The following EPS15L1 variants were observed in gnomAD, a reference collection of about 807,000 sequenced individuals.
EPS15L1 encodes the protein epidermal growth factor receptor substrate 15-like 1.
A neutral mutation model predicts 117.1 loss-of-function variants in EPS15L1; 43 were observed. The ratio of observed to expected loss-of-function variants is 0.37; its 90% CI spans 0.29 to 0.47. The LOEUF (loss-of-function observed/expected upper bound fraction) is 0.47, where lower values mean the gene tolerates loss of function less well. Among genes scored for constraint, EPS15L1 ranks in the 20% least tolerant of loss-of-function variants. The probability of loss-of-function intolerance (pLI) is 0.99; values close to 1 mark genes in which losing one functional copy is unlikely to be tolerated. For missense variants in EPS15L1, 981 were observed against 1,164.0 expected (o/e 0.84, Z 2.29); for synonymous variants, 459 against 470.5 (o/e 0.98, Z 0.32).
chr19:16,452,699 G>T (rs1199338609), intron 1 of EPS15L1, among the ~76,000 whole-genome samples: 2 of 151,972 alleles, frequency 1.3e-5, no homozygotes, highest in Non-Finnish European at 2.9e-5. Flanking sequence ...TCAAAGGGTG[G>T]TACAAAGAAA....
intron 7 of EPS15L1, among the ~76,000 whole-genome samples, chr19:16,429,557 C>T (rs1405747752): frequency 6.6e-6 from 1 of 152,210 alleles, no homozygotes; most frequent in East Asian, 1.9e-4. Flanking sequence ...GCGCCCGAGG[C>T]TCAGGCCTCA....
At chr19:16,438,587 T>C (rs926798184) in intron 4 of EPS15L1, among the ~76,000 whole-genome samples, 1 of 152,188 alleles carries the variant, frequency 6.6e-6, no homozygotes, top group Non-Finnish European at 1.5e-5. Context: ...CAGAGTGCAG[T>C]GGCGCAATCA....
intron 1 of EPS15L1, among the ~76,000 whole-genome samples, chr19:16,452,482 T>C (rs1230195366): frequency 2.0e-5 from 3 of 148,876 alleles, no homozygotes; most frequent in Non-Finnish European, 4.4e-5. Flanking sequence ...GAGCCAGGTG[T>C]AGTGGCACTC....
chr19:16,357,966 A>T (rs2092004877), intron 23 of EPS15L1: 1 of 152,424 alleles, frequency 6.6e-6, no homozygotes, highest in African/African-American at 2.4e-5. Context: ...TGCTGACAAC[A>T]GTGGGAGGGA....
At chr19:16,434,662 T>A in intron 6 of EPS15L1, 172 bp from the exon 7 acceptor site, 1 of 662,538 alleles carries the variant, frequency 1.5e-6, no homozygotes, top group Non-Finnish European at 2.5e-6. Context: ...AAAGTGAACA[T>A]ATACCCTGAA....
chr19:16,445,482 C>A (rs1437247784), intron 1 of EPS15L1, among the ~76,000 whole-genome samples: 1 of 152,228 alleles, frequency 6.6e-6, no homozygotes, highest in African/African-American at 2.4e-5. Context: ...GAAGGTACAG[C>A]ACCAGGCCCC....
intron 22 of EPS15L1, among the ~76,000 whole-genome samples, chr19:16,375,094 T>A (rs2092277362): frequency 6.6e-6 from 1 of 152,228 alleles, no homozygotes; most frequent in Non-Finnish European, 1.5e-5. Context: ...TATGCATGCA[T>A]GTGTGTACTG....
At chr19:16,369,032 A>G (rs886982429) in intron 22 of EPS15L1, among the ~76,000 whole-genome samples, 6 of 152,360 alleles carry the variant, frequency 3.9e-5, no homozygotes, top group Middle Eastern at 6.8e-3. Context: ...AGAAAACAGT[A>G]TAGGTTCTAA....
intron 7 of EPS15L1, among the ~76,000 whole-genome samples, chr19:16,432,513 A>G (rs560991018): frequency 6.6e-6 from 1 of 152,206 alleles, no homozygotes; most frequent in Admixed American, 6.5e-5. Flanking sequence ...GCTTGCAGTG[A>G]GCAGAGATTG....
At chr19:16,461,129 C>A (rs1410004683) in intron 1 of EPS15L1, among the ~76,000 whole-genome samples, 1 of 151,052 alleles carries the variant, frequency 6.6e-6, no homozygotes, top group Non-Finnish European at 1.5e-5. Flanking sequence ...CACGGTGAAA[C>A]CCCGTCTCTA....
intron 20 of EPS15L1, 123 bp downstream of exon 20, chr19:16,386,048 G>A (rs1483486609): frequency 8.0e-6 from 6 of 748,872 alleles, no homozygotes; most frequent in Non-Finnish European, 1.4e-5. Context: ...GGATCTGGGT[G>A]CCACTGACTG....
At chr19:16,458,680 A>T (rs1568468419) in intron 1 of EPS15L1, among the ~76,000 whole-genome samples, 1 of 151,984 alleles carries the variant, frequency 6.6e-6, no homozygotes, top group African/African-American at 2.4e-5. Context: ...CTCCACACAC[A>T]CACTCACTCA....
At chr19:16,408,454 TAAAATACAAATTTGTA>T (rs966070050) in intron 13 of EPS15L1, among the ~76,000 whole-genome samples, 12 of 152,050 alleles carry the variant, frequency 7.9e-5, no homozygotes, top group African/African-American at 2.2e-4. Flanking sequence ...TGAAACCCAG[TAAAATACAAATTTGTA>T]AAAATACAAA....
At chr19:16,356,128 C>T (rs1017905489) in intron 23 of EPS15L1, among the ~76,000 whole-genome samples, 2 of 152,224 alleles carry the variant, frequency 1.3e-5, no homozygotes, top group Non-Finnish European at 1.5e-5. Context: ...CCCCGCCCCA[C>T]GCAGAGAAGT....
chr19:16,415,023 CTG>C (rs1324857731), intron 12 of EPS15L1, among the ~76,000 whole-genome samples: 2 of 152,120 alleles, frequency 1.3e-5, no homozygotes, highest in Non-Finnish European at 2.9e-5. Context: ...TATTTTTAAA[CTG>C]AGATAGAATT....
chr19:16,424,302 G>A (rs1229046680), intron 9 of EPS15L1, among the ~76,000 whole-genome samples: 1 of 152,128 alleles, frequency 6.6e-6, no homozygotes, highest in Admixed American at 6.5e-5. Flanking sequence ...CAATGCCGTC[G>A]TGGGGGCAGG....
intron 1 of EPS15L1, among the ~76,000 whole-genome samples, chr19:16,462,883 G>A (rs148725343): frequency 3.8e-4 from 58 of 152,222 alleles, no homozygotes; most frequent in South Asian, 3.3e-3. Context: ...ACAAAAGGAG[G>A]CACAGGCGCC....
intron 1 of EPS15L1, among the ~76,000 whole-genome samples, chr19:16,468,162 A>G (rs1186170279): frequency 3.3e-5 from 5 of 152,148 alleles, no homozygotes; most frequent in African/African-American, 1.2e-4. Context: ...AGGACAACAC[A>G]GGGGAGGCCT....
Position 16,370,635 on chromosome 19 carries a change from G to C in EPS15L1, c.2380+6487C>G, listed in dbSNP as rs1272651190. On this transcript the variant is annotated intron_variant, in intron 22 of 23. Transcript: ENST00000455140. This position sits in a 1 kb window ranked among gnomAD's most constrained non-coding sequence, Gnocchi z 5.2. ...CTCTGGGTACAGTGTGCCCAGGAAGGCAAATGCTTCTATTTTCAAACTCAG... is the reference window on the plus strand; with the variant it reads ...CTCTGGGTACAGTGTGCCCAGGAAGCCAAATGCTTCTATTTTCAAACTCAG... Among the ~76,000 whole-genome samples, 3 of 152,194 alleles carry C rather than the reference G, an allele frequency of 2.0e-5. No individual in the cohort carries two copies. Among genetic ancestry groups the C allele is most frequent in the Non-Finnish European group, 2.9e-5 (2 of 68,032 alleles).
Sources: allele counts gnomAD v4.1 joint callset (sites outside exome capture counted in the v4.1 genomes callset), GRCh38; gene constraint gnomAD v4.1.1; non-coding constraint Gnocchi (gnomAD v3.1); transcripts MANE v1.5; gene names NCBI Gene and HGNC (gene_info 2026-07-23, HGNC 2026-07-21).